Variants in DAGLA observed in about 807,000 individuals in gnomAD.
DAGLA encodes diacylglycerol lipase alpha.
In DAGLA, 22 loss-of-function variants were observed where a neutral mutation model predicts 102.6. The ratio of observed to expected loss-of-function variants is 0.21; its 90% CI spans 0.15 to 0.31. DAGLA has a LOEUF of 0.31. DAGLA is among the 10% of genes least tolerant of loss of function. The pLI is 1.00. For missense variants in DAGLA, 927 were observed against 1,446.6 expected (o/e 0.64, Z 5.83); for synonymous variants, 578 against 628.9 (o/e 0.92, Z 1.21).
In DAGLA at chr11:61,744,660, C is replaced by CA. The variant is rs2065521593; in HGVS notation, c.*171_*172insA. 5.1e-6 allele frequency: 3 copies of CA among 583,644 alleles called. No individual in the cohort carries two copies. In the Admixed American group the frequency reaches 1.0e-4, roughly 20 times the overall value. The allele number at this position is 583,644 out of a possible 1,614,324, so 36.2% of individuals were successfully genotyped here. ...TCCGCATCCCTACCTCAGCTTAGGA[C>CA]CCCCAGAGCCAAGGTGGCTGGGATC... On this transcript the variant is annotated 3_prime_UTR_variant, in exon 20 of 20. Coordinates refer to ENST00000257215, the MANE Select transcript of DAGLA (RefSeq NM_006133.3).
intron 1 of DAGLA, among the ~76,000 whole-genome samples, chr11:61,714,115 G>A (rs1055006832): frequency 6.6e-6 from 1 of 152,176 alleles, no homozygotes; most frequent in African/African-American, 2.4e-5. Flanking sequence ...TTTACATATA[G>A]CAACCGTGGG....
rs2065354211 is a variant in DAGLA, at chr11:61,729,080, C to T, written c.849+72C>T. The T allele has an allele frequency of 8.1e-6, 11 of 1,356,182 alleles. No individual in the cohort carries two copies. In the South Asian group the frequency reaches 9.4e-5, roughly 12 times the overall value. The allele number at this position is 1,356,182 out of a possible 1,614,324, so 84.0% of individuals were successfully genotyped here. A position where few individuals can be genotyped will look rare whatever the true frequency, so the allele number is the denominator to read the frequency against. On this transcript the variant is annotated intron_variant, in intron 8 of 19. Transcript: ENST00000257215. ...ACTCTGCCACAATGACCTAAGCAAA[C>T]TCCTCCCAGCTGCCCTTGCAGTGCC...
chr11:61,723,695 T>A (rs1488819312), intron 5 of DAGLA, 123 bp downstream of exon 5: 1 of 1,293,810 alleles, frequency 7.7e-7, no homozygotes, highest in East Asian at 2.4e-5. Flanking sequence ...GTGTGAGCCG[T>A]GGGCATTAGT....
At chr11:61,735,901 C>A in intron 12 of DAGLA, 85 bp downstream of exon 12, 1 of 1,309,818 alleles carries the variant, frequency 7.6e-7, no homozygotes, top group Non-Finnish European at 1.1e-6. Flanking sequence ...GGGGGTTCCT[C>A]CCTGCTCGCT....
intron 16 of DAGLA, 44 bp downstream of exon 16, chr11:61,738,251 G>T: frequency 3.3e-6 from 5 of 1,528,676 alleles, no homozygotes; most frequent in Non-Finnish European, 4.5e-6. Flanking sequence ...AGCCTCATCT[G>T]TCCCTGCCCT....
intron 1 of DAGLA, among the ~76,000 whole-genome samples, chr11:61,711,003 G>C (rs1267191668): frequency 6.6e-6 from 1 of 152,194 alleles, no homozygotes; most frequent in African/African-American, 2.4e-5. Context: ...GCCCTGCTCT[G>C]GGGCCAGAAG....
At position 61,701,325 on chromosome 11, in the gene DAGLA, C is replaced by A. The variant is rs562655392; in HGVS notation, c.-44-18787C>A. ...AGAGAGGAGGCTGGGCTCTGAGGGG[C>A]CATGGGGACTAGGAGCCAGCCTCTC... On this transcript the variant is annotated intron_variant, in intron 1 of 19. Transcript: ENST00000257215. Among the ~76,000 whole-genome samples, 13 of 152,348 alleles carry A rather than the reference C, an allele frequency of 8.5e-5. No individual in the cohort carries two copies. In the South Asian group the frequency reaches 2.7e-3, roughly 32 times the overall value.
chr11:61,726,380 C>CCTGAAGA (rs2065327193), intron 6 of DAGLA, among the ~76,000 whole-genome samples: 1 of 152,220 alleles, frequency 6.6e-6, no homozygotes, highest in Non-Finnish European at 1.5e-5. Context: ...GTCAGGGTGA[C>CCTGAAGA]CTGAAGACAA....
At chr11:61,736,478 C>G (rs2065423820) in intron 13 of DAGLA, 128 bp downstream of exon 13, 2 of 767,954 alleles carry the variant, frequency 2.6e-6, no homozygotes, top group African/African-American at 3.5e-5. Context: ...CTCCTGCAAT[C>G]CCTTCCAGCC....
At chr11:61,718,495 C>A (rs198431) in intron 1 of DAGLA, among the ~76,000 whole-genome samples, 2 of 151,840 alleles carry the variant, frequency 1.3e-5, no homozygotes, top group Non-Finnish European at 2.9e-5. Context: ...CCCAGCCCCC[C>A]CTCCTGTCCT....
At position 61,743,567 on chromosome 11, in the gene DAGLA, T is replaced by C; in HGVS notation, c.2207T>C (p.Phe736Ser). 6.5e-7 allele frequency: 1 copy of C among 1,547,950 alleles called. No individual in the cohort carries two copies. Among genetic ancestry groups the C allele is most frequent in the Non-Finnish European group, 8.7e-7 (1 of 1,153,616 alleles). The change falls in exon 20 of 20, where the codon TTC becomes TCC. Residue 736 changes from phenylalanine to serine, a missense_variant. By Grantham distance (155) the Phe-to-Ser change is radical. Around this residue, in one of 4 missense-constraint regions of DAGLA, gnomAD observed 434 missense variants for 503.3 expected, o/e 0.86. Transcript: ENST00000257215. ...KSQSEMSLEGFSEGRLLSPVV... is the reference protein window; with the variant it reads ...KSQSEMSLEGSSEGRLLSPVV... ...CAGTCTGAGATGAGCCTGGAGGGCT[T>C]CTCGGAGGGGCGGCTGCTGTCGCCA...
At chr11:61,741,386 A>C (rs1771502334) in intron 19 of DAGLA, 37 bp downstream of exon 19, 1 of 1,585,130 alleles carries the variant, frequency 6.3e-7, no homozygotes, top group African/African-American at 1.3e-5. Flanking sequence ...CCCCAGGGTG[A>C]GTGTGGTTCA....
intron 1 of DAGLA, among the ~76,000 whole-genome samples, chr11:61,703,236 C>T (rs1316289719): frequency 6.6e-6 from 1 of 152,238 alleles, no homozygotes; most frequent in East Asian, 1.9e-4. Flanking sequence ...GAGACCCCTC[C>T]CCTGAGAAGC....
rs561110127 is a variant in DAGLA at position 61,698,262 on chromosome 11, T to G, written c.-45+17758T>G. ...CCTGACATCTCTCCTGTGGTGCCTCTGCAGCTTGGCTGAGCTGCAGGCTCC... is the reference window on the plus strand; with the variant it reads ...CCTGACATCTCTCCTGTGGTGCCTCGGCAGCTTGGCTGAGCTGCAGGCTCC... On this transcript the variant is annotated intron_variant, in intron 1 of 19. Coordinates refer to ENST00000257215, the MANE Select transcript of DAGLA (RefSeq NM_006133.3). Among the ~76,000 whole-genome samples the G allele has an allele frequency of 2.1e-3, 314 of 152,350 alleles. 6 individuals carry two copies. The South Asian group carries it at 0.03, about 14-fold the overall frequency.
intron 1 of DAGLA, among the ~76,000 whole-genome samples, chr11:61,713,136 G>A (rs1041075260): frequency 1.3e-5 from 2 of 152,152 alleles, no homozygotes; most frequent in Non-Finnish European, 2.9e-5. Flanking sequence ...AATGGGTCCC[G>A]TGCTATCCCA....
chr11:61,739,702 C>T (rs1197696968), intron 17 of DAGLA, 41 bp downstream of exon 17: 3 of 1,594,920 alleles, frequency 1.9e-6, no homozygotes, highest in African/African-American at 1.3e-5. Context: ...GGGTAGTGGC[C>T]AGGGCAGGGG....
Position 61,740,478 on chromosome 11 carries a change from G to C in DAGLA, c.1869G>C (p.Glu623Asp). The change falls in exon 18 of 20, where the codon GAG becomes GAC. Residue 623 changes from glutamate (E) to aspartate (D), a missense_variant. By Grantham distance (45) the Glu-to-Asp change is conservative. Coordinates refer to ENST00000257215, the MANE Select transcript of DAGLA (RefSeq NM_006133.3). ...PAEQCCCCEQ[E>D]EPTYFAIWGD... ...TCCCTCTCAGCTGCTGTGAGCAGGAGGAGCCCACATACTTTGCCATCTGGG... is the reference window on the plus strand; with the variant it reads ...TCCCTCTCAGCTGCTGTGAGCAGGACGAGCCCACATACTTTGCCATCTGGG... The C allele has an allele frequency of 1.2e-6, 2 of 1,613,670 alleles. No homozygotes were observed. Among genetic ancestry groups the C allele is most frequent in the Non-Finnish European group, 1.7e-6 (2 of 1,179,904 alleles).
intron 19 of DAGLA, among the ~76,000 whole-genome samples, chr11:61,742,461 G>A (rs2065488752): frequency 6.6e-6 from 1 of 152,160 alleles, no homozygotes; most frequent in Non-Finnish European, 1.5e-5. Flanking sequence ...CATTTCCTGT[G>A]GCAGCTGCAC....
intron 1 of DAGLA, among the ~76,000 whole-genome samples, chr11:61,710,648 G>A (rs1175043303): frequency 2.0e-5 from 3 of 152,138 alleles, no homozygotes; most frequent in African/African-American, 7.2e-5. Context: ...GCAAGTCAGA[G>A]GATTATGCAG....
Sources: allele counts gnomAD v4.1 joint callset (sites outside exome capture counted in the v4.1 genomes callset), GRCh38; gene constraint gnomAD v4.1.1; regional missense constraint gnomAD v4.1.1; transcripts MANE v1.5; gene names NCBI Gene and HGNC (gene_info 2026-07-23, HGNC 2026-07-21).